The following MEP1B variants were observed in gnomAD, a reference collection of about 807,000 sequenced individuals.
The protein encoded by MEP1B is N-benzoyl-L-tyrosyl-P-amino-benzoic acid hydrolase subunit beta.
In MEP1B, 80 loss-of-function variants were observed where a neutral mutation model predicts 84.6. The observed-to-expected ratio is 0.95, with a 90% CI of 0.79 to 1.14. MEP1B has a LOEUF of 1.14. MEP1B is among the 50% of genes most tolerant of loss of function. The pLI, the probability that MEP1B is intolerant of heterozygous loss-of-function variation, is 0.00. For missense variants in MEP1B, 766 were observed against 855.1 expected (o/e 0.90, Z 1.30); for synonymous variants, 273 against 288.1 (o/e 0.95, Z 0.53).
chr18:32,195,567 T>C (rs1463388731), intron 5 of MEP1B, 82 bp downstream of exon 5: 11 of 910,954 alleles, frequency 1.2e-5, no homozygotes, highest in Non-Finnish European at 1.9e-5. Flanking sequence ...GGTGGGCTTA[T>C]ATAGTCTTTA....
At chr18:32,216,921 T>G in intron 12 of MEP1B, 70 bp from the exon 13 acceptor site, 1 of 1,444,760 alleles carries the variant, frequency 6.9e-7, no homozygotes, top group Non-Finnish European at 9.3e-7. Context: ...TAAAAGAAAA[T>G]GAAAATTAAA....
At chr18:32,216,074 T>A (rs1392918375) in intron 12 of MEP1B, among the ~76,000 whole-genome samples, 1 of 151,002 alleles carries the variant, frequency 6.6e-6, no homozygotes, top group Non-Finnish European at 1.5e-5. Flanking sequence ...TTCTTACACC[T>A]GGCAGCCAAT....
Position 32,210,655 on chromosome 18 carries a change from T to C in MEP1B, c.1074T>C (p.Tyr358=). 3 of 1,614,028 alleles carry C rather than the reference T, an allele frequency of 1.9e-6. No individual in the cohort carries two copies. The highest frequency in any genetic ancestry group is 2.5e-6 in the Non-Finnish European group (3 of 1,179,880). The change falls in exon 10 of 15, where the codon TAT becomes TAC. Residue 358 remains tyrosine, a synonymous_variant. Transcript: ENST00000269202. ...SGSESDQLNI[Y]IREYSADNVD... ...GTGAAAGTGATCAACTGAACATCTA[T>C]ATCAGGGAGTATTCTGCAGACAATG...
In MEP1B at chr18:32,196,395, G is replaced by A; in HGVS notation, c.250+910G>A. ...ACTTGAGGTACTCAGAGCTCTCCTT[G>A]GTCTTCTCCTGGTCCTCGCCCAGCT... On this transcript the variant is annotated intron_variant, in intron 5 of 14. Coordinates refer to ENST00000269202, the MANE Select transcript of MEP1B (RefSeq NM_005925.3). This position sits in a 1 kb window ranked among gnomAD's most constrained non-coding sequence, Gnocchi z 4.4. 1 of 698,634 alleles carries A rather than the reference G, an allele frequency of 1.4e-6. No homozygotes were observed. Among genetic ancestry groups the A allele is most frequent in the Non-Finnish European group, 2.7e-6 (1 of 377,122 alleles). The allele number at this position is 698,634 out of a possible 1,614,324, so 43.3% of individuals were successfully genotyped here.
In MEP1B at chr18:32,207,308, C is replaced by G. The variant is rs765905825; in HGVS notation, c.604C>G (p.Pro202Ala). 6.7e-5 allele frequency: 108 copies of G among 1,612,950 alleles called. No homozygotes were observed. The highest frequency in any genetic ancestry group is 1.6e-4 in the Middle Eastern group (1 of 6,082). ...CGATATATCAGATTCCCTGAATGTT[C>G]CCTATGATTACACTTCAGTAATGCA... ...SDDISDSLNV[P>A]YDYTSVMHYS... The change falls in exon 8 of 15, where the codon CCC becomes GCC. Residue 202 changes from proline to alanine, a missense_variant. Transcript: ENST00000269202.
chr18:32,192,907 TG>T, intron 4 of MEP1B, 90 bp downstream of exon 4: 1 of 988,946 alleles, frequency 1.0e-6, no homozygotes, highest in East Asian at 2.4e-5. Context: ...GCATGAACTT[TG>T]TTAAGCCTAA....
intron 4 of MEP1B, among the ~76,000 whole-genome samples, chr18:32,194,630 T>C (rs933967299): frequency 6.6e-6 from 1 of 152,124 alleles, no homozygotes; most frequent in African/African-American, 2.4e-5. Flanking sequence ...ACAACTAATG[T>C]TCCCTCTGCC....
In MEP1B at chr18:32,202,957, C is replaced by CTTA; in HGVS notation, c.317_318insATT (p.Asp105_Phe106insLeu). ...GTTATCGCCTTAAAACATGTATTGACTTTAAGCCTTGGGCTGGAGAAACAA... is the reference window on the plus strand; with the variant it reads ...GTTATCGCCTTAAAACATGTATTGACTTATTTAAGCCTTGGGCTGGAGAAACAA... On this transcript the variant is annotated inframe_insertion, in exon 6 of 15. Transcript: ENST00000269202. The CTTA allele has an allele frequency of 6.2e-7, 1 of 1,612,796 alleles. No individual in the cohort carries two copies. Among genetic ancestry groups the CTTA allele is most frequent in the Non-Finnish European group, 8.5e-7 (1 of 1,179,380 alleles).
intron 4 of MEP1B, among the ~76,000 whole-genome samples, chr18:32,193,973 A>T (rs895047322): frequency 2.6e-5 from 4 of 152,128 alleles, no homozygotes; most frequent in African/African-American, 7.2e-5. Flanking sequence ...TTGAATGTCT[A>T]CAAGACGTCT....
intron 8 of MEP1B, 128 bp from the exon 9 acceptor site, chr18:32,207,991 C>G (rs1372461455): frequency 2.3e-6 from 2 of 872,970 alleles, no homozygotes; most frequent in Admixed American, 4.4e-5. Flanking sequence ...AAGCCACCAT[C>G]ATCCAGAATC....
intron 14 of MEP1B, among the ~76,000 whole-genome samples, chr18:32,218,701 GCTCTGGAGTGGGGATGACTCC>G (rs2041119378): frequency 6.6e-6 from 1 of 152,220 alleles, no homozygotes; most frequent in African/African-American, 2.4e-5. Flanking sequence ...CCTTCAGGGA[GCTCTGGAGTGGGGATGACTCC>G]CTCTTAGGCA....
At position 32,196,378 on chromosome 18, in the gene MEP1B, T is replaced by A. The variant is rs1598887387; in HGVS notation, c.250+893T>A. On this transcript the variant is annotated intron_variant, in intron 5 of 14. Coordinates refer to ENST00000269202, the MANE Select transcript of MEP1B (RefSeq NM_005925.3). This position sits in a 1 kb window ranked among gnomAD's most constrained non-coding sequence, Gnocchi z 4.4. ...GGCCAGCTGGGTCAGGCACTTGAGG[T>A]ACTCAGAGCTCTCCTTGGTCTTCTC... is the stretch of plus-strand genomic sequence containing the variant. The A allele has an allele frequency of 1.4e-6, 1 of 699,930 alleles. No individual in the cohort carries two copies. The highest frequency in any genetic ancestry group is 2.0e-5 in the Admixed American group (1 of 49,546). The allele number at this position is 699,930 out of a possible 1,614,324, so 43.4% of individuals were successfully genotyped here. A position where few individuals can be genotyped will look rare whatever the true frequency, so the allele number is the denominator to read the frequency against.
intron 8 of MEP1B, 39 bp downstream of exon 8, chr18:32,207,509 C>A: frequency 7.1e-7 from 1 of 1,406,070 alleles, no homozygotes; most frequent in African/African-American, 1.4e-5. Flanking sequence ...ATATTTTCCG[C>A]TGTTATGTAG....
chr18:32,212,130 TTAATACAAA>T (rs1439411813), intron 10 of MEP1B, among the ~76,000 whole-genome samples: 1 of 150,114 alleles, frequency 6.7e-6, no homozygotes, highest in African/African-American at 2.4e-5. Context: ...AATATCTAAA[TTAATACAAA>T]TATTGATATA....
chr18:32,209,240 C>T (rs2144412924), intron 9 of MEP1B, among the ~76,000 whole-genome samples: 1 of 152,218 alleles, frequency 6.6e-6, no homozygotes, highest in Non-Finnish European at 1.5e-5. Context: ...TAATCCCCGG[C>T]CTTTGGGAGG....
At position 32,196,830 on chromosome 18, in the gene MEP1B, T is replaced by C; in HGVS notation, c.250+1345T>C. The C allele has an allele frequency of 1.7e-6, 1 of 599,816 alleles. No individual in the cohort carries two copies. The highest frequency in any genetic ancestry group is 3.0e-6 in the Non-Finnish European group (1 of 328,154). The allele number at this position is 599,816 out of a possible 1,614,324, so 37.2% of individuals were successfully genotyped here. On this transcript the variant is annotated intron_variant, in intron 5 of 14. Transcript: ENST00000269202. The surrounding 1 kb of genome is among the most constrained non-coding windows in gnomAD (Gnocchi z 4.4). ...CACGCTCATCAGCACTGCCTTCTGC[T>C]GGCTTCTCAGGGCCTCTGCGTACTT...
chr18:32,212,083 C>A (rs1241007560), intron 10 of MEP1B, among the ~76,000 whole-genome samples: 1 of 147,600 alleles, frequency 6.8e-6, no homozygotes, highest in Non-Finnish European at 1.5e-5. Context: ...TATATATAAG[C>A]CATATATGTT....
At chr18:32,192,904 C>A in intron 4 of MEP1B, 87 bp downstream of exon 4, 2 of 1,013,118 alleles carry the variant, frequency 2.0e-6, no homozygotes, top group Non-Finnish European at 3.0e-6. Context: ...ACAGCATGAA[C>A]TTTGTTAAGC....
intron 9 of MEP1B, among the ~76,000 whole-genome samples, chr18:32,208,520 A>C (rs899930559): frequency 2.6e-5 from 4 of 152,136 alleles, no homozygotes; most frequent in African/African-American, 9.7e-5. Context: ...GTGCGTTCCC[A>C]TAGGAGAGTG....
Sources: allele counts gnomAD v4.1 joint callset (sites outside exome capture counted in the v4.1 genomes callset), GRCh38; gene constraint gnomAD v4.1.1; non-coding constraint Gnocchi (gnomAD v3.1); transcripts MANE v1.5; gene names NCBI Gene and HGNC (gene_info 2026-07-23, HGNC 2026-07-21).